Variants in HS6ST3 observed in about 807,000 individuals in gnomAD.
HS6ST3 encodes heparan-sulfate 6-O-sulfotransferase 3.
HS6ST3 carries 12 observed loss-of-function variants against 36.7 expected under a neutral mutation model. The observed-to-expected ratio is 0.33, with a 90% CI of 0.21 to 0.53. The LOEUF (loss-of-function observed/expected upper bound fraction) is 0.53, where lower values mean the gene tolerates loss of function less well. HS6ST3 is among the 20% of genes least tolerant of loss of function. The pLI, the probability that HS6ST3 is intolerant of heterozygous loss-of-function variation, is 0.95. For missense variants in HS6ST3, 584 were observed against 640.9 expected, an observed-to-expected ratio of 0.91 and a Z score of 0.96; for synonymous variants, 240 against 257.5, an observed-to-expected ratio of 0.93 and a Z score of 0.65.
chr13:96,740,173 T>C (rs932916472), intron 1 of HS6ST3, among the ~76,000 whole-genome samples: 14 of 152,192 alleles, frequency 9.2e-5, no homozygotes, highest in African/African-American at 3.4e-4. Flanking sequence ...CACACCAGAA[T>C]GTACACTCCT....
chr13:96,159,337 T>C (rs147418508), intron 1 of HS6ST3, among the ~76,000 whole-genome samples: 100 of 152,344 alleles, frequency 6.6e-4, no homozygotes, highest in African/African-American at 2.3e-3. Flanking sequence ...CATTTTATTT[T>C]ATTCTTTTTT....
intron 1 of HS6ST3, among the ~76,000 whole-genome samples, chr13:96,242,906 A>T (rs1005359341): frequency 3.3e-5 from 5 of 152,202 alleles, no homozygotes; most frequent in African/African-American, 1.2e-4. Flanking sequence ...AGTATTTTTC[A>T]CAGTAGCCAA....
chr13:96,312,194 A>G (rs1351398148), intron 1 of HS6ST3, among the ~76,000 whole-genome samples: 1 of 152,190 alleles, frequency 6.6e-6, no homozygotes, highest in Non-Finnish European at 1.5e-5. Flanking sequence ...ACCCAATAGT[A>G]TCCAGCCCCT....
intron 1 of HS6ST3, among the ~76,000 whole-genome samples, chr13:96,825,356 T>G (rs1878626221): frequency 1.3e-5 from 2 of 152,188 alleles, no homozygotes; most frequent in African/African-American, 4.8e-5. Context: ...AGCTCTGCCT[T>G]TTATCTACTG....
intron 1 of HS6ST3, among the ~76,000 whole-genome samples, chr13:96,793,173 A>G (rs2138521705): frequency 6.6e-6 from 1 of 152,084 alleles, no homozygotes; most frequent in East Asian, 1.9e-4. Context: ...TACAGTCTCA[A>G]AGTCCTGGTA....
At chr13:96,331,499 CA>C (rs1438521088) in intron 1 of HS6ST3, among the ~76,000 whole-genome samples, 2 of 152,212 alleles carry the variant, frequency 1.3e-5, no homozygotes, top group African/African-American at 2.4e-5. Flanking sequence ...GCTCAGGGGT[CA>C]GGGGTCAGGG....
intron 1 of HS6ST3, among the ~76,000 whole-genome samples, chr13:96,292,676 T>A (rs6491285): frequency 0.37 from 55,843 of 151,912 alleles, 10,637 homozygotes; most frequent in African/African-American, 0.45. Context: ...CACTGGGGAC[T>A]GACAGATAAG....
At chr13:96,576,785 A>C (rs1329335888) in intron 1 of HS6ST3, among the ~76,000 whole-genome samples, 1 of 151,818 alleles carries the variant, frequency 6.6e-6, no homozygotes, top group East Asian at 1.9e-4. Context: ...TCTACTAAAA[A>C]TATAAAAAAT....
chr13:96,108,476 G>GTGAT (rs1446582461), intron 1 of HS6ST3, among the ~76,000 whole-genome samples: 2 of 152,136 alleles, frequency 1.3e-5, no homozygotes, highest in African/African-American at 4.8e-5. Flanking sequence ...CTTGAAGCAT[G>GTGAT]TGATCTCTGT....
At chr13:96,506,873 G>A (rs537868611) in intron 1 of HS6ST3, among the ~76,000 whole-genome samples, 33 of 152,192 alleles carry the variant, frequency 2.2e-4, no homozygotes, top group African/African-American at 7.7e-4. Context: ...GTACCTGATC[G>A]TCAAGGGATA....
chr13:96,380,613 A>G (rs1259001489), intron 1 of HS6ST3, among the ~76,000 whole-genome samples: 3 of 152,204 alleles, frequency 2.0e-5, no homozygotes, highest in Admixed American at 6.5e-5. Context: ...ATTTTCAGGT[A>G]TCTACTTTAT....
At chr13:96,180,283 T>C (rs9584345) in intron 1 of HS6ST3, among the ~76,000 whole-genome samples, 4,413 of 152,288 alleles carry the variant, frequency 0.029, 225 homozygotes, top group African/African-American at 0.1. Flanking sequence ...GCTACACTTT[T>C]GCTCTCTGAG....
At chr13:96,408,181 G>GC (rs1230384085) in intron 1 of HS6ST3, among the ~76,000 whole-genome samples, 2 of 151,936 alleles carry the variant, frequency 1.3e-5, no homozygotes, top group Non-Finnish European at 2.9e-5. Context: ...CTGGTGATCT[G>GC]CCCCCCTCGA....
intron 1 of HS6ST3, among the ~76,000 whole-genome samples, chr13:96,648,479 C>A (rs486968): frequency 5.2e-5 from 5 of 96,610 alleles, no homozygotes; most frequent in African/African-American, 1.2e-4. Flanking sequence ...GCACTTTCCA[C>A]TTTCTTTTTT....
chr13:96,191,357 G>A (rs1327627), intron 1 of HS6ST3, among the ~76,000 whole-genome samples: 145,057 of 152,304 alleles, frequency 0.95, 69,188 homozygotes, highest in African/African-American at 0.98. Flanking sequence ...TCTTTGCTGC[G>A]TATACACACA....
intron 1 of HS6ST3, among the ~76,000 whole-genome samples, chr13:96,297,331 C>T (rs867197505): frequency 8.6e-5 from 13 of 152,028 alleles, no homozygotes; most frequent in African/African-American, 1.7e-4. Context: ...GTTTTCTTTC[C>T]TCCTTTCTAT....
In HS6ST3 at chr13:96,835,023, T is replaced by A. The variant is rs1261293873; in HGVS notation, c.*1825T>A. On this transcript the variant is annotated 3_prime_UTR_variant, in exon 2 of 2. Transcript: ENST00000376705. ...GTATTGTTAGTCTCCATTTCATAGATGAAAATAGTGAAGCCCACAGAAAAT... is the reference window on the plus strand; with the variant it reads ...GTATTGTTAGTCTCCATTTCATAGAAGAAAATAGTGAAGCCCACAGAAAAT... The A allele has an allele frequency of 6.6e-6, 1 of 152,156 alleles. No individual in the cohort carries two copies. The highest frequency in any genetic ancestry group is 1.5e-5 in the Non-Finnish European group (1 of 68,030). 9.4% of individuals were successfully genotyped at this position (152,156 alleles called of 1,614,324 possible).
rs200435264 is a variant in HS6ST3 at position 96,287,827 on chromosome 13, AC to A, written c.707+196259del. 9.4e-3 allele frequency among the ~76,000 whole-genome samples: 1,437 copies of A among 152,206 alleles called. 24 individuals are homozygous for A. The highest frequency in any genetic ancestry group is 0.033 in the African/African-American group (1,366 of 41,528). The stretch of plus-strand genomic sequence containing the variant: ...TTAATGAAAAAAATCATAGCAACTA[AC>A]ATTTAGTTGCTATGTGCTAGGCTCT... On this transcript the variant is annotated intron_variant, in intron 1 of 1. Transcript: ENST00000376705.
At chr13:96,358,919 G>T (rs1342590715) in intron 1 of HS6ST3, among the ~76,000 whole-genome samples, 140 of 144,018 alleles carry the variant, frequency 9.7e-4, no homozygotes, top group African/African-American at 3.4e-3. Context: ...TATCTATCTA[G>T]AGAGAGATGA....
Sources: allele counts gnomAD v4.1 joint callset (sites outside exome capture counted in the v4.1 genomes callset), GRCh38; gene constraint gnomAD v4.1.1; transcripts MANE v1.5; gene names NCBI Gene and HGNC (gene_info 2026-07-23, HGNC 2026-07-21).